ADAMTSL1: variants seen among roughly 807,000 people sequenced by gnomAD.
ADAMTSL1 encodes the protein ADAMTS like 1, also known as ADAMTS-like protein 1.
ADAMTSL1 carries 126 observed loss-of-function variants against 201.8 expected under a neutral mutation model. The observed-to-expected ratio is 0.62, with a 90% confidence interval of 0.54 to 0.72. The LOEUF (loss-of-function observed/expected upper bound fraction) is 0.72, where lower values mean the gene tolerates loss of function less well. Among genes scored for constraint, ADAMTSL1 ranks in the 30% least tolerant of loss-of-function variants. The pLI is 0.00. For missense variants in ADAMTSL1, 2,679 were observed against 2,277.8 expected, an observed-to-expected ratio of 1.18 and a Z score of -3.59; for synonymous variants, 1,121 against 903.4, an observed-to-expected ratio of 1.24 and a Z score of -4.32.
chr9:17,963,102 C>G (rs994089191), intron 1 of ADAMTSL1, among the ~76,000 whole-genome samples: 1 of 152,168 alleles, frequency 6.6e-6, no homozygotes, highest in Admixed American at 6.6e-5. Context: ...CCATTAAAGT[C>G]CTTTTTTATT....
At chr9:18,696,215 T>C (rs1024173833) in intron 13 of ADAMTSL1, among the ~76,000 whole-genome samples, 9 of 152,172 alleles carry the variant, frequency 5.9e-5, no homozygotes, top group Admixed American at 5.9e-4. Flanking sequence ...AAGCCCTCTT[T>C]GAGAAGGGAC....
chr9:18,467,579 T>A (rs1008197723), intron 2 of ADAMTSL1, among the ~76,000 whole-genome samples: 4 of 152,194 alleles, frequency 2.6e-5, no homozygotes, highest in African/African-American at 9.6e-5. Flanking sequence ...AGGAGAAAGT[T>A]TTTAAAAAAT....
chr9:18,815,702 AC>A (rs1392543449), intron 20 of ADAMTSL1, among the ~76,000 whole-genome samples: 2 of 130,654 alleles, frequency 1.5e-5, no homozygotes, highest in Admixed American at 1.6e-4. Flanking sequence ...AGCAAGACCA[AC>A]CCTGTCTCAA....
At chr9:18,012,978 C>T (rs1336565348) in intron 1 of ADAMTSL1, among the ~76,000 whole-genome samples, 1 of 147,238 alleles carries the variant, frequency 6.8e-6, no homozygotes, top group South Asian at 2.3e-4. Flanking sequence ...TCTTACCCAC[C>T]ATTTACTTAC....
In ADAMTSL1 at chr9:18,777,741, C is replaced by G; in HGVS notation, c.3512C>G (p.Ser1171Ter). ...AAGCCCACCATCCTGCGCAAGATCT[C>G]AGCGGCCCAGCAGCTCTCAGCCTCG... Reference protein sequence around the residue: ...HRKPTILRKISAAQQLSASEV... With the variant: ...HRKPTILRKI The change falls in exon 19 of 29, where the codon TCA becomes TGA. Residue 1171 changes from serine to a stop codon, truncating the protein, a stop_gained. Coordinates refer to ENST00000380548, the MANE Select transcript of ADAMTSL1 (RefSeq NM_001040272.6). LOFTEE classifies it high-confidence loss of function. 1 of 1,613,650 alleles carries G rather than the reference C, an allele frequency of 6.2e-7. No individual in the cohort carries two copies.
At chr9:18,821,014 A>C (rs1824177264) in intron 21 of ADAMTSL1, among the ~76,000 whole-genome samples, 1 of 152,186 alleles carries the variant, frequency 6.6e-6, no homozygotes, top group Non-Finnish European at 1.5e-5. Context: ...GAGGCTGAGG[A>C]GGTGTGGGTA....
intron 9 of ADAMTSL1, among the ~76,000 whole-genome samples, chr9:18,667,912 A>T (rs570173050): frequency 6.6e-6 from 1 of 152,166 alleles, no homozygotes; most frequent in South Asian, 2.1e-4. Context: ...TATAATGATC[A>T]CAAGAAATTA....
At chr9:18,359,755 G>A (rs1417039) in intron 2 of ADAMTSL1, among the ~76,000 whole-genome samples, 14,727 of 149,210 alleles carry the variant, frequency 0.099, 890 homozygotes, top group East Asian at 0.24. Flanking sequence ...TTCTAAGGGT[G>A]TTCCTTATTA....
intron 2 of ADAMTSL1, among the ~76,000 whole-genome samples, chr9:18,454,492 A>T (rs372085606): frequency 1.1e-4 from 16 of 152,228 alleles, no homozygotes; most frequent in South Asian, 4.2e-4. Context: ...GGTACTCCTT[A>T]ATCCAGTCAA....
At chr9:18,184,408 C>G (rs1354957705) in intron 2 of ADAMTSL1, among the ~76,000 whole-genome samples, 1 of 151,944 alleles carries the variant, frequency 6.6e-6, no homozygotes, top group Non-Finnish European at 1.5e-5. Context: ...ATTTCCTACA[C>G]AAAACTTTTA....
At chr9:18,746,774 C>CA (rs35648138) in intron 15 of ADAMTSL1, among the ~76,000 whole-genome samples, 4,864 of 120,582 alleles carry the variant, frequency 0.04, 101 homozygotes, top group South Asian at 0.062. Context: ...CAAAGGAAGG[C>CA]AAAAAAAAAA....
At chr9:18,858,290 G>T (rs1826994243) in intron 23 of ADAMTSL1, among the ~76,000 whole-genome samples, 1 of 151,802 alleles carries the variant, frequency 6.6e-6, no homozygotes, top group South Asian at 2.1e-4. Context: ...TACCATTGCT[G>T]CCCCCACCCC....
intron 2 of ADAMTSL1, among the ~76,000 whole-genome samples, chr9:18,361,208 T>C (rs1836503859): frequency 6.6e-6 from 1 of 152,206 alleles, no homozygotes; most frequent in Admixed American, 6.5e-5. Context: ...TAGGGTTCTT[T>C]TCCAATAAGT....
At chr9:18,003,174 G>C (rs575473370) in intron 1 of ADAMTSL1, among the ~76,000 whole-genome samples, 8 of 152,110 alleles carry the variant, frequency 5.3e-5, no homozygotes, top group African/African-American at 1.9e-4. Context: ...TAGCTTCCAG[G>C]CTCATCCTGG....
At chr9:18,163,411 T>A (rs1230837624) in intron 1 of ADAMTSL1, among the ~76,000 whole-genome samples, 1 of 152,048 alleles carries the variant, frequency 6.6e-6, no homozygotes. Context: ...AAGTCAGTTC[T>A]GGGCTCAGGC....
chr9:18,296,959 A>G (rs191881809), intron 2 of ADAMTSL1, among the ~76,000 whole-genome samples: 42 of 152,344 alleles, frequency 2.8e-4, no homozygotes, highest in African/African-American at 8.9e-4. Context: ...TTTTTAAAAG[A>G]AAACATCCCA....
chr9:18,474,013 A>T, upstream of ADAMTSL1: 1 of 508,790 alleles, frequency 2.0e-6, no homozygotes, highest in East Asian at 3.2e-5. Flanking sequence ...TCTGATTAGC[A>T]GGAGCCTGAT....
intron 1 of ADAMTSL1, among the ~76,000 whole-genome samples, chr9:18,125,273 G>A (rs981372755): frequency 6.6e-6 from 1 of 152,038 alleles, no homozygotes; most frequent in South Asian, 2.1e-4. Flanking sequence ...AAAACCATCA[G>A]ATCTGGTGAG....
intron 22 of ADAMTSL1, among the ~76,000 whole-genome samples, chr9:18,827,461 T>A (rs1417057951): frequency 6.6e-6 from 1 of 151,990 alleles, no homozygotes; most frequent in Non-Finnish European, 1.5e-5. Context: ...CCAAACGGGT[T>A]TTCATCTCAC....
Sources: gnomAD v4.1 joint callset for allele counts (sites outside exome capture counted in the v4.1 genomes callset) on GRCh38, gnomAD v4.1.1 for gene constraint, MANE v1.5 for transcripts, NCBI Gene and HGNC (gene_info 2026-07-23, HGNC 2026-07-21) for gene names.